Variants in NFXL1 observed in about 807,000 individuals in gnomAD.
NFXL1 encodes NF-X1-type zinc finger protein NFXL1.
Under a neutral mutation model 123.3 loss-of-function variants are expected in NFXL1, and 66 were observed. The ratio of observed to expected loss-of-function variants is 0.54; its 90% confidence interval spans 0.44 to 0.66. The LOEUF is 0.66. Ranked by LOEUF, NFXL1 falls within the 30% of genes least tolerant of loss-of-function variation. The pLI is 0.00. For missense variants in NFXL1, 944 were observed against 1,125.6 expected (o/e 0.84, Z 2.31); for synonymous variants, 346 against 360.8 (o/e 0.96, Z 0.46).
rs143959251 is a variant in NFXL1 at position 47,903,976 on chromosome 4, T to C, written c.517-653A>G. Among the ~76,000 whole-genome samples the C allele has an allele frequency of 1.4e-4, 22 of 152,332 alleles. No individual in the cohort carries two copies. In the East Asian group the frequency reaches 3.7e-3, roughly 25 times the overall value. ...AAACTGATAAAAATCAGTTCCCCTT[T>C]CCTTATAACATTTTACAACTGTTTG... On this transcript the variant is annotated intron_variant, in intron 4 of 22. Transcript: ENST00000507489.
At chr4:47,864,171 A>G (rs1207621682) in intron 18 of NFXL1, among the ~76,000 whole-genome samples, 2 of 152,196 alleles carry the variant, frequency 1.3e-5, no homozygotes, top group African/African-American at 4.8e-5. Context: ...TAAAGAGTTA[A>G]TATTATTTTA....
chr4:47,909,065 T>TAC (rs1737705756), intron 3 of NFXL1, among the ~76,000 whole-genome samples: 1 of 151,458 alleles, frequency 6.6e-6, no homozygotes, highest in Non-Finnish European at 1.5e-5. Context: ...CAAACAGATA[T>TAC]ACAGCACAGA....
In NFXL1 at chr4:47,885,894, C is replaced by A. The variant is rs1382641164; in HGVS notation, c.1649G>T (p.Cys550Phe). The A allele has an allele frequency of 6.2e-7, 1 of 1,613,914 alleles. No individual in the cohort carries two copies. Among genetic ancestry groups the A allele is most frequent in the South Asian group, 1.1e-5 (1 of 91,058 alleles). ...GRERTTRPPK[C>F]KEQCSRPPTC... The stretch of plus-strand genomic sequence containing the variant: ...TCAAACTCACCTGCATTGCTCCTTG[C>A]ACTTGGGTGGTCTTGTGGTACGTTC... The change falls in exon 13 of 23, where the codon TGC becomes TTC. Residue 550 changes from cysteine (C) to phenylalanine (F), a missense_variant. By Grantham distance (205) the Cys-to-Phe change is radical. Coordinates refer to ENST00000507489, the MANE Select transcript of NFXL1 (RefSeq NM_001278624.2).
rs182251753 is a variant in NFXL1 at position 47,913,258 on chromosome 4, T to C, written c.235+711A>G. On this transcript the variant is annotated intron_variant, in intron 2 of 22. Coordinates refer to ENST00000507489, the MANE Select transcript of NFXL1 (RefSeq NM_001278624.2). Reference sequence around the variant, plus strand: ...ATTATTCCCTCGGCCCCATGCACAATTGTGTGTAAGTCCTCCCTGGCTCCA... The same window carrying C: ...ATTATTCCCTCGGCCCCATGCACAACTGTGTGTAAGTCCTCCCTGGCTCCA... Among the ~76,000 whole-genome samples the C allele has an allele frequency of 6.6e-5, 10 of 152,188 alleles. No homozygotes were observed. The East Asian group carries it at 1.4e-3, about 21-fold the overall frequency.
chr4:47,886,261 G>C (rs1478434142), intron 12 of NFXL1, among the ~76,000 whole-genome samples: 1 of 152,114 alleles, frequency 6.6e-6, no homozygotes, highest in Non-Finnish European at 1.5e-5. Flanking sequence ...ATGCAAGGAA[G>C]GTGTTGAAAA....
intron 18 of NFXL1, among the ~76,000 whole-genome samples, chr4:47,868,180 G>A (rs540128425): frequency 1.3e-5 from 2 of 152,206 alleles, no homozygotes; most frequent in South Asian, 2.1e-4. Flanking sequence ...TTAGCCAGGC[G>A]TGGCGGCGGG....
At chr4:47,876,111 T>G (rs1735735169) in intron 17 of NFXL1, among the ~76,000 whole-genome samples, 1 of 152,082 alleles carries the variant, frequency 6.6e-6, no homozygotes, top group African/African-American at 2.4e-5. Flanking sequence ...TAAGCTATTT[T>G]TTGACATATA....
chr4:47,897,883 GT>G, intron 9 of NFXL1, 83 bp downstream of exon 9: 1 of 826,964 alleles, frequency 1.2e-6, no homozygotes, highest in Non-Finnish European at 1.9e-6. Context: ...ATGCACTTAA[GT>G]TTCCTGGAGG....
At chr4:47,884,570 T>C (rs933415845) in intron 14 of NFXL1, 133 bp from the exon 15 acceptor site, 1 of 554,784 alleles carries the variant, frequency 1.8e-6, no homozygotes, top group African/African-American at 1.9e-5. Context: ...CAATAAATTG[T>C]GCTTACTGAA....
intron 18 of NFXL1, among the ~76,000 whole-genome samples, chr4:47,871,918 G>T (rs4695292): frequency 0.74 from 111,793 of 152,048 alleles, 41,317 homozygotes; most frequent in Admixed American, 0.76. Context: ...GAAACTTGAG[G>T]AAAATATATT....
chr4:47,859,532 CATAA>C (rs1734601579), intron 19 of NFXL1, among the ~76,000 whole-genome samples: 1 of 152,090 alleles, frequency 6.6e-6, no homozygotes, highest in African/African-American at 2.4e-5. Flanking sequence ...CAACCAAATT[CATAA>C]ATAATTTTAA....
intron 11 of NFXL1, among the ~76,000 whole-genome samples, chr4:47,891,799 G>C (rs1736782966): frequency 6.6e-6 from 1 of 152,078 alleles, no homozygotes; most frequent in Non-Finnish European, 1.5e-5. Flanking sequence ...AGCCAGGCAT[G>C]GTAGTGCGTG....
Position 47,905,311 on chromosome 4 carries a change from A to G in NFXL1, c.442T>C (p.Tyr148His). The G allele has an allele frequency of 6.3e-7, 1 of 1,599,814 alleles. No homozygotes were observed. Among genetic ancestry groups the G allele is most frequent in the Non-Finnish European group, 8.6e-7 (1 of 1,167,852 alleles). Residue 148 changes from tyrosine (Y) to histidine (H), a missense_variant, in exon 4 of 23, where the codon TAT becomes CAT. Tyr to His is a moderately conservative substitution (Grantham distance 83). Coordinates refer to ENST00000507489, the MANE Select transcript of NFXL1 (RefSeq NM_001278624.2). ...DTRELERTKQ[Y>H]VNEAFQAGAM... Reference sequence around the variant, plus strand: ...CCTGCTTGAAAAGCTTCATTTACATATTGTTTTGTTCGCTCTAATTCACGT... The same window carrying G: ...CCTGCTTGAAAAGCTTCATTTACATGTTGTTTTGTTCGCTCTAATTCACGT...
chr4:47,854,780 ATTG>A (rs1468522408), intron 20 of NFXL1, among the ~76,000 whole-genome samples: 44 of 152,260 alleles, frequency 2.9e-4, no homozygotes, highest in African/African-American at 1.0e-3. Context: ...AAAACAGGGC[ATTG>A]AATTTGGTTC....
chr4:47,884,307 T>G (rs578002706), intron 15 of NFXL1, 39 bp downstream of exon 15: 8 of 1,269,466 alleles, frequency 6.3e-6, no homozygotes, highest in Middle Eastern at 1.9e-4. Flanking sequence ...TGTCAAAAGT[T>G]TTTTGTTTTT....
chr4:47,880,991 C>A (rs1269252973), intron 15 of NFXL1, among the ~76,000 whole-genome samples: 1 of 151,760 alleles, frequency 6.6e-6, no homozygotes, highest in Admixed American at 6.6e-5. Flanking sequence ...TGTTAAAAAA[C>A]AAAATTACAG....
chr4:47,882,587 C>A (rs967578012), intron 15 of NFXL1, among the ~76,000 whole-genome samples: 1 of 152,152 alleles, frequency 6.6e-6, no homozygotes, highest in African/African-American at 2.4e-5. Context: ...TGTTAATGCG[C>A]TTTTTCTTTA....
At chr4:47,875,962 AT>A (rs1203684883) in intron 17 of NFXL1, among the ~76,000 whole-genome samples, 3 of 152,160 alleles carry the variant, frequency 2.0e-5, no homozygotes, top group Non-Finnish European at 2.9e-5. Context: ...AAAAATACTT[AT>A]TTCAGGATAT....
At chr4:47,880,807 T>TAAAAA (rs57880960) in intron 15 of NFXL1, among the ~76,000 whole-genome samples, 14 of 78,812 alleles carry the variant, frequency 1.8e-4, no homozygotes, top group Non-Finnish European at 2.7e-4. Flanking sequence ...AATTAATGAG[T>TAAAAA]AAAAAAAAAA....
Sources: gnomAD v4.1 joint callset for allele counts (sites outside exome capture counted in the v4.1 genomes callset) on GRCh38, gnomAD v4.1.1 for gene constraint, MANE v1.5 for transcripts, NCBI Gene and HGNC (gene_info 2026-07-23, HGNC 2026-07-21) for gene names.